The following LPGAT1 variants were observed in gnomAD, a reference collection of about 807,000 sequenced individuals.
The protein encoded by LPGAT1 is lysophosphatidylglycerol acyltransferase 1, also known as acyl-CoA:lysophosphatidylglycerol acyltransferase 1.
Under a neutral mutation model 47.5 loss-of-function variants are expected in LPGAT1, and 11 were observed. The ratio of observed to expected loss-of-function variants is 0.23; its 90% CI spans 0.15 to 0.38. The LOEUF (loss-of-function observed/expected upper bound fraction) is 0.38, where lower values mean the gene tolerates loss of function less well. Ranked by LOEUF, LPGAT1 falls within the 10% of genes least tolerant of loss-of-function variation. LPGAT1 has a pLI of 1.00. For missense variants in LPGAT1, 293 were observed against 439.0 expected (o/e 0.67, Z 2.97); for synonymous variants, 138 against 144.2 (o/e 0.96, Z 0.31).
intron 2 of LPGAT1, among the ~76,000 whole-genome samples, chr1:211,811,692 G>A (rs1402871244): frequency 6.6e-6 from 1 of 152,144 alleles, no homozygotes; most frequent in Non-Finnish European, 1.5e-5. Context: ...GGGAGGTGGA[G>A]GGTGCAGTGT....
intron 2 of LPGAT1, among the ~76,000 whole-genome samples, chr1:211,821,237 CAG>C (rs1660361502): frequency 6.6e-6 from 1 of 152,148 alleles, no homozygotes; most frequent in African/African-American, 2.4e-5. Flanking sequence ...GCCTGGGAAA[CAG>C]AGTGAGACTC....
intron 6 of LPGAT1, among the ~76,000 whole-genome samples, chr1:211,764,119 C>A (rs1657812081): frequency 6.6e-6 from 1 of 151,154 alleles, no homozygotes; most frequent in Admixed American, 6.6e-5. Context: ...TTGCAGCAAG[C>A]TGAGATCATG....
At chr1:211,829,980 G>C in intron 1 of LPGAT1, 1 of 985,576 alleles carries the variant, frequency 1.0e-6, no homozygotes, top group Non-Finnish European at 1.2e-6. Flanking sequence ...GTAGGGGGAA[G>C]GGAGCAAAAG....
At chr1:211,785,529 T>G (rs1187412937) in intron 4 of LPGAT1, among the ~76,000 whole-genome samples, 1 of 152,030 alleles carries the variant, frequency 6.6e-6, no homozygotes, top group Non-Finnish European at 1.5e-5. Flanking sequence ...CTTCACATAG[T>G]AATCACAAGA....
intron 6 of LPGAT1, among the ~76,000 whole-genome samples, chr1:211,762,618 C>T (rs1657746248): frequency 6.6e-6 from 1 of 152,074 alleles, no homozygotes; most frequent in Admixed American, 6.5e-5. Context: ...TACATATACA[C>T]CAGAAATAAA....
intron 2 of LPGAT1, among the ~76,000 whole-genome samples, chr1:211,813,165 T>C (rs571611726): frequency 3.3e-5 from 5 of 152,216 alleles, no homozygotes; most frequent in African/African-American, 4.8e-5. Context: ...AGCTACTAAA[T>C]GCTGAAGTAA....
At position 211,830,643 on chromosome 1, in the gene LPGAT1, G is replaced by C; in HGVS notation, c.-98C>G. ...CCGGAAGAATGCATGGCCGGCGGCG[G>C]GGCCGGCGGAAGAAGGCGGTGGCGG... On this transcript the variant is annotated 5_prime_UTR_variant, in exon 1 of 8. Coordinates refer to ENST00000366997, the MANE Select transcript of LPGAT1 (RefSeq NM_014873.3). This position sits in a 1 kb window ranked among gnomAD's most constrained non-coding sequence, Gnocchi z 5.9. 8.3e-7 allele frequency: 1 copy of C among 1,203,978 alleles called. No individual in the cohort carries two copies. Among genetic ancestry groups the C allele is most frequent in the African/African-American group, 1.6e-5 (1 of 63,282 alleles). The allele number at this position is 1,203,978 out of a possible 1,614,324, so 74.6% of individuals were successfully genotyped here. A position where few individuals can be genotyped will look rare whatever the true frequency, so the allele number is the denominator to read the frequency against.
chr1:211,773,054 T>C (rs1461675032), intron 6 of LPGAT1, among the ~76,000 whole-genome samples: 2 of 152,210 alleles, frequency 1.3e-5, no homozygotes, highest in African/African-American at 2.4e-5. Context: ...AATAATACTC[T>C]GCAAACTAAT....
rs995193840 is a variant in LPGAT1 at position 211,791,110 on chromosome 1, A to G, written c.357+1962T>C. 5.4e-4 allele frequency among the ~76,000 whole-genome samples: 4 copies of G among 7,352 alleles called. No individual in the cohort carries two copies. In the Admixed American group the frequency reaches 6.1e-3, roughly 11 times the overall value. 4.8% of individuals were successfully genotyped at this position (7,352 alleles called of 152,430 possible). A position where few individuals can be genotyped will look rare whatever the true frequency, so the allele number is the denominator to read the frequency against. On this transcript the variant is annotated intron_variant, in intron 3 of 7. Coordinates refer to ENST00000366997, the MANE Select transcript of LPGAT1 (RefSeq NM_014873.3). Reference sequence around the variant, plus strand: ...TTCAAGATCCTGAATCTAAGAAAGGATTTAATTTTTCCACATTCCAGTGAG... The same window carrying G: ...TTCAAGATCCTGAATCTAAGAAAGGGTTTAATTTTTCCACATTCCAGTGAG...
At chr1:211,788,265 G>C (rs1346443890) in intron 3 of LPGAT1, among the ~76,000 whole-genome samples, 1 of 152,092 alleles carries the variant, frequency 6.6e-6, no homozygotes, top group Non-Finnish European at 1.5e-5. Flanking sequence ...GTAAAATCAT[G>C]GTCTTTGCCA....
At chr1:211,829,016 A>T (rs1660630535) in intron 2 of LPGAT1, 43 bp downstream of exon 2, 1 of 1,599,904 alleles carries the variant, frequency 6.3e-7, no homozygotes. Context: ...GGTTCCTGAC[A>T]AATTTTTTCT....
rs368165715 is a variant in LPGAT1, at chr1:211,830,081, G to A, written c.-28+492C>T. 244 of 972,936 alleles carry A rather than the reference G, an allele frequency of 2.5e-4. 2 individuals carry two copies. Among genetic ancestry groups the A allele is most frequent in the Middle Eastern group, 5.2e-4 (1 of 1,908 alleles). The allele number at this position is 972,936 out of a possible 1,614,324, so 60.3% of individuals were successfully genotyped here. ...GAAGCAGGGGATGATGAAAGGGGCA[G>A]AGAAGAGGCGACCGCAGCGCGGGGA... On this transcript the variant is annotated intron_variant, in intron 1 of 7. Coordinates refer to ENST00000366997, the MANE Select transcript of LPGAT1 (RefSeq NM_014873.3). This position sits in a 1 kb window ranked among gnomAD's most constrained non-coding sequence, Gnocchi z 5.9.
rs567037582 is a variant in LPGAT1 at position 211,762,890 on chromosome 1, C to A, written c.855-11823G>T. On this transcript the variant is annotated intron_variant, in intron 6 of 7. Coordinates refer to ENST00000366997, the MANE Select transcript of LPGAT1 (RefSeq NM_014873.3). Reference sequence around the variant, plus strand: ...CTCCAAAATGTGAGCTGACAAACAACATGGCTAAACCCTCAATTCAATTAT... The same window carrying A: ...CTCCAAAATGTGAGCTGACAAACAAAATGGCTAAACCCTCAATTCAATTAT... Among the ~76,000 whole-genome samples the A allele has an allele frequency of 3.9e-5, 6 of 152,308 alleles. No homozygotes were observed. In the South Asian group the frequency reaches 8.3e-4, roughly 21 times the overall value.
intron 6 of LPGAT1, among the ~76,000 whole-genome samples, chr1:211,777,173 T>C (rs1334544935): frequency 6.6e-6 from 1 of 152,176 alleles, no homozygotes; most frequent in Non-Finnish European, 1.5e-5. Context: ...CACTCTACAG[T>C]TGATAGACAC....
chr1:211,791,762 A>AAAAC (rs1558270773), intron 3 of LPGAT1, among the ~76,000 whole-genome samples: 47 of 102,076 alleles, frequency 4.6e-4, no homozygotes, highest in Non-Finnish European at 8.1e-4. Context: ...AAAAAAAAAA[A>AAAAC]AAACAAACAA....
At chr1:211,824,191 G>A (rs1443386739) in intron 2 of LPGAT1, among the ~76,000 whole-genome samples, 1 of 152,096 alleles carries the variant, frequency 6.6e-6, no homozygotes, top group Non-Finnish European at 1.5e-5. Flanking sequence ...GAGGTCAGGA[G>A]TTCAAGACCA....
chr1:211,828,914 A>G (rs1660628309), intron 2 of LPGAT1, 145 bp downstream of exon 2: 1 of 724,282 alleles, frequency 1.4e-6, no homozygotes, highest in Non-Finnish European at 2.2e-6. Context: ...GATTCTGAAG[A>G]GAAACCCAAT....
chr1:211,828,155 C>G lies in LPGAT1; in HGVS notation c.238+904G>C, dbSNP rs562684973. Among the ~76,000 whole-genome samples, 1,210 of 152,336 alleles carry G rather than the reference C, an allele frequency of 7.9e-3. 21 individuals carry two copies. Among genetic ancestry groups the G allele is most frequent in the African/African-American group, 0.027 (1,128 of 41,576 alleles). ...GAACTACAGCCTCTACTGACCACAG[C>G]ATCTGCATGATCTTCAAGGAGCCTG... On this transcript the variant is annotated intron_variant, in intron 2 of 7. Transcript: ENST00000366997.
chr1:211,823,334 A>G (rs1176228136), intron 2 of LPGAT1, among the ~76,000 whole-genome samples: 2 of 152,206 alleles, frequency 1.3e-5, no homozygotes, highest in African/African-American at 2.4e-5. Flanking sequence ...AGCTAATATA[A>G]TCACCACAAA....
Sources: allele counts gnomAD v4.1 joint callset (sites outside exome capture counted in the v4.1 genomes callset), GRCh38; gene constraint gnomAD v4.1.1; non-coding constraint Gnocchi (gnomAD v3.1); transcripts MANE v1.5; gene names NCBI Gene and HGNC (gene_info 2026-07-23, HGNC 2026-07-21).